TEP1: variants seen among roughly 807,000 people sequenced by gnomAD.
The protein encoded by TEP1 is telomerase protein component 1.
TEP1 carries 241 observed loss-of-function variants against 306.3 expected under a neutral mutation model. The observed-to-expected ratio is 0.79, with a 90% CI of 0.71 to 0.88. The LOEUF (loss-of-function observed/expected upper bound fraction) is 0.88, where lower values mean the gene tolerates loss of function less well. Ranked by LOEUF, TEP1 falls within the 40% of genes least tolerant of loss-of-function variation. The pLI is 0.00. For missense variants in TEP1, 3,051 were observed against 3,276.1 expected (o/e 0.93, Z 1.68); for synonymous variants, 1,289 against 1,305.5 (o/e 0.99, Z 0.27).
intron 39 of TEP1, 94 bp downstream of exon 39, chr14:20,377,930 A>G (rs1885290365): frequency 2.6e-6 from 4 of 1,516,046 alleles, no homozygotes; most frequent in Non-Finnish European, 3.6e-6. Context: ...GCTCCTCCAC[A>G]GTCTCCTCGA....
At chr14:20,370,592 T>TC (rs1292502812) in intron 51 of TEP1, among the ~76,000 whole-genome samples, 1 of 152,238 alleles carries the variant, frequency 6.6e-6, no homozygotes, top group Non-Finnish European at 1.5e-5. Context: ...AAATTATTTA[T>TC]CCCCTTTCTA....
At position 20,367,364 on chromosome 14, in the gene TEP1, A is replaced by C. The variant is rs1052177874; in HGVS notation, c.*1073T>G. 7.0e-6 allele frequency: 1 copy of C among 142,104 alleles called. No homozygotes were observed. The highest frequency in any genetic ancestry group is 1.5e-5 in the Non-Finnish European group (1 of 67,044). The allele number at this position is 142,104 out of a possible 1,614,324, so 8.8% of individuals were successfully genotyped here. On this transcript the variant is annotated 3_prime_UTR_variant, in exon 55 of 55. Coordinates refer to ENST00000262715, the MANE Select transcript of TEP1 (RefSeq NM_007110.5). ...GGTGACAGAGCCAGACTCTATCTCA[A>C]AAACAAAAAAAAAAAAAAAAGGTTT...
chr14:20,384,901 C>T, intron 21 of TEP1, 84 bp downstream of exon 21: 2 of 1,595,684 alleles, frequency 1.3e-6, no homozygotes, highest in Non-Finnish European at 8.5e-7. Context: ...CACTCCCCTT[C>T]TATACTCTGA....
intron 9 of TEP1, among the ~76,000 whole-genome samples, chr14:20,399,632 T>TAAAAAAAAAAAAAAAAAA (rs71416944): frequency 1.3e-5 from 1 of 78,612 alleles, no homozygotes; most frequent in African/African-American, 5.9e-5. Context: ...CCCTGTTTCT[T>TAAAAAAAAAAAAAAAAAA]AAAAAAAAAA....
In TEP1 at chr14:20,365,769, A is replaced by G. The variant is rs1884443387; in HGVS notation, c.*2668T>C. 6.6e-6 allele frequency: 1 copy of G among 152,250 alleles called. No homozygotes were observed. The highest frequency in any genetic ancestry group is 2.1e-4 in the South Asian group (1 of 4,836). 9.4% of individuals were successfully genotyped at this position (152,250 alleles called of 1,614,324 possible). A position where few individuals can be genotyped will look rare whatever the true frequency, so the allele number is the denominator to read the frequency against. On this transcript the variant is annotated 3_prime_UTR_variant, in exon 55 of 55. Transcript: ENST00000262715. ...TCAACTTCCGTACTTATCTCATTAT[A>G]AAACATTAACAATTTGTGAACTGGC...
intron 43 of TEP1, 70 bp downstream of exon 43, chr14:20,375,685 C>G (rs1367411190): frequency 1.1e-6 from 1 of 944,476 alleles, no homozygotes; most frequent in Non-Finnish European, 1.7e-6. Flanking sequence ...AGAAAAAGGA[C>G]GAGGTGGGGA....
Position 20,404,692 on chromosome 14 carries a change from C to T in TEP1, c.951G>A (p.Ala317=), listed in dbSNP as rs748785055. Residue 317 remains alanine (A), a synonymous_variant, in exon 5 of 55, where the codon GCG becomes GCA. Coordinates refer to ENST00000262715, the MANE Select transcript of TEP1 (RefSeq NM_007110.5). ...AATATCGTCGCAGGTGGGGGCGACA[C>T]GCCGGCAAGAAAGCAGCAATGGCCA... ...NILAIAAFLP[A]CRPHLRRYFC... is the part of the protein sequence containing the mutation. The T allele has an allele frequency of 1.1e-5, 18 of 1,614,092 alleles. No homozygotes were observed. The highest frequency in any genetic ancestry group is 1.6e-4 in the Middle Eastern group (1 of 6,062).
At chr14:20,401,355 G>C in intron 8 of TEP1, 102 bp downstream of exon 8, 1 of 1,524,450 alleles carries the variant, frequency 6.6e-7, no homozygotes, top group Non-Finnish European at 8.9e-7. Context: ...TCTGTCTAAA[G>C]TCATGTTGCT....
chr14:20,381,852 C>T lies in TEP1; in HGVS notation c.4424+61G>A. 6.3e-7 allele frequency: 1 copy of T among 1,593,996 alleles called. No individual in the cohort carries two copies. Among genetic ancestry groups the T allele is most frequent in the Non-Finnish European group, 8.5e-7 (1 of 1,170,798 alleles). The stretch of plus-strand genomic sequence containing the variant: ...CAGTTGTTGAAGCTATACAGAGGGC[C>T]CCGGCTCAAAGAAGGGAAGGCACAG... On this transcript the variant is annotated intron_variant, in intron 30 of 54. Transcript: ENST00000262715. This position sits in a 1 kb window ranked among gnomAD's most constrained non-coding sequence, Gnocchi z 4.0.
chr14:20,369,905 A>G, intron 51 of TEP1, 126 bp from the exon 52 acceptor site: 2 of 649,330 alleles, frequency 3.1e-6, no homozygotes, highest in South Asian at 4.0e-5. Flanking sequence ...CTTAGATACA[A>G]TCAAGTGCGC....
At chr14:20,376,394 C>T (rs1374941396) in intron 41 of TEP1, 130 bp from the exon 42 acceptor site, 5 of 941,854 alleles carry the variant, frequency 5.3e-6, no homozygotes, top group Non-Finnish European at 4.7e-6. Context: ...GGGAGGGATG[C>T]AGGGAGTCAC....
chr14:20,378,348 C>G, intron 38 of TEP1, 32 bp downstream of exon 38: 1 of 1,613,752 alleles, frequency 6.2e-7, no homozygotes, highest in South Asian at 1.1e-5. Context: ...TCCTCCTGTG[C>G]TTCCCCCAAG....
rs772715346 is a variant in TEP1, at chr14:20,376,252, A to G, written c.6101T>C (p.Val2034Ala). 1 of 1,613,764 alleles carries G rather than the reference A, an allele frequency of 6.2e-7. No homozygotes were observed. The highest frequency in any genetic ancestry group is 1.1e-5 in the South Asian group (1 of 91,006). ...LLASASEDFT[V>A]QLWPRQLLTR... Reference sequence around the variant, plus strand: ...CAGCAGCTGCCTTGGCCACAGCTGCACTGTGAAATCCTCTGCATTGGAAAA... The same window carrying G: ...CAGCAGCTGCCTTGGCCACAGCTGCGCTGTGAAATCCTCTGCATTGGAAAA... The change falls in exon 42 of 55, where the codon GTG becomes GCG. Residue 2034 changes from valine to alanine, a missense_variant. Val to Ala is a moderately conservative substitution (Grantham distance 64). Transcript: ENST00000262715.
intron 7 of TEP1, among the ~76,000 whole-genome samples, chr14:20,402,194 G>A (rs921400369): frequency 1.3e-5 from 2 of 152,170 alleles, no homozygotes; most frequent in Non-Finnish European, 2.9e-5. Flanking sequence ...TGTACTCCCA[G>A]CTACTCGGGA....
chr14:20,373,705 A>G lies in TEP1; in HGVS notation c.6577T>C (p.Cys2193Arg), dbSNP rs781611059. Reference protein sequence around the residue: ...IPAHSGPISHCAAAMEPRAAG... With the variant: ...IPAHSGPISHRAAAMEPRAAG... Reference sequence around the variant, plus strand: ...GCACGGGGCTCCATGGCAGCTGCACAGTGGCTAATGGGTCCTGAGTGAGCA... The same window carrying G: ...GCACGGGGCTCCATGGCAGCTGCACGGTGGCTAATGGGTCCTGAGTGAGCA... The change falls in exon 45 of 55, where the codon TGT becomes CGT. Residue 2193 changes from cysteine (C) to arginine (R), a missense_variant. Transcript: ENST00000262715. 15 of 1,614,082 alleles carry G rather than the reference A, an allele frequency of 9.3e-6. No homozygotes were observed. The highest frequency in any genetic ancestry group is 1.3e-5 in the Non-Finnish European group (15 of 1,180,040).
chr14:20,386,613 T>A lies in TEP1; in HGVS notation c.2695A>T (p.Ile899Phe), dbSNP rs1157561187. Reference protein sequence around the residue: ...APVSQQGWRSIRLFISSTFRD... With the variant: ...APVSQQGWRSFRLFISSTFRD... ...AAAGTGGATGAAATGAAAAGCCGGATGCTGCGCCATCTGGGGATAAGCAGA... is the reference window on the plus strand; with the variant it reads ...AAAGTGGATGAAATGAAAAGCCGGAAGCTGCGCCATCTGGGGATAAGCAGA... The change falls in exon 19 of 55, where the codon ATC becomes TTC. Residue 899 changes from isoleucine to phenylalanine, a missense_variant. Ile to Phe is a conservative substitution (Grantham distance 21, BLOSUM62 0). Around this residue, in one of 3 missense-constraint regions of TEP1, gnomAD observed 1,507 missense variants for 1,550.5 expected, o/e 0.97. Coordinates refer to ENST00000262715, the MANE Select transcript of TEP1 (RefSeq NM_007110.5). 6.2e-7 allele frequency: 1 copy of A among 1,600,864 alleles called. No individual in the cohort carries two copies. The highest frequency in any genetic ancestry group is 8.5e-7 in the Non-Finnish European group (1 of 1,171,568).
At chr14:20,384,759 C>G (rs924391374) in intron 21 of TEP1, 46 bp from the exon 22 acceptor site, 1 of 1,572,664 alleles carries the variant, frequency 6.4e-7, no homozygotes, top group Admixed American at 1.7e-5. Flanking sequence ...CAGACCCCAG[C>G]CAGCCTCCCT....
At chr14:20,403,575 C>T (rs1207726642) in intron 6 of TEP1, 127 bp from the exon 7 acceptor site, 3 of 1,586,478 alleles carry the variant, frequency 1.9e-6, no homozygotes, top group Non-Finnish European at 2.6e-6. Context: ...CTGCCCTGCA[C>T]CATATGCCCA....
intron 9 of TEP1, among the ~76,000 whole-genome samples, chr14:20,397,342 T>G (rs1878289124): frequency 2.0e-5 from 3 of 152,158 alleles, no homozygotes; most frequent in African/African-American, 7.2e-5. Flanking sequence ...AAACCCCGTC[T>G]CTACAAAAAT....
Sources: gnomAD v4.1 joint callset for allele counts (sites outside exome capture counted in the v4.1 genomes callset) on GRCh38, gnomAD v4.1.1 for gene constraint, gnomAD v4.1.1 regional missense constraint, Gnocchi (gnomAD v3.1) non-coding constraint, MANE v1.5 for transcripts, NCBI Gene and HGNC (gene_info 2026-07-23, HGNC 2026-07-21) for gene names.